CDC42BPA: variants seen among roughly 807,000 people sequenced by gnomAD.
The protein encoded by CDC42BPA is CDC42 binding protein kinase alpha, also known as serine/threonine-protein kinase MRCK alpha.
CDC42BPA carries 80 observed loss-of-function variants against 223.5 expected under a neutral mutation model. The ratio of observed to expected loss-of-function variants is 0.36; its 90% CI spans 0.30 to 0.43. The LOEUF (loss-of-function observed/expected upper bound fraction) is 0.43, where lower values mean the gene tolerates loss of function less well. CDC42BPA is among the 20% of genes least tolerant of loss of function. The pLI, the probability that CDC42BPA is intolerant of heterozygous loss-of-function variation, is 1.00. For missense variants in CDC42BPA, 1,743 were observed against 2,099.9 expected, an observed-to-expected ratio of 0.83 and a Z score of 3.32; for synonymous variants, 694 against 718.6, an observed-to-expected ratio of 0.97 and a Z score of 0.55.
chr1:227,056,230 C>T (rs1388302400), intron 21 of CDC42BPA, among the ~76,000 whole-genome samples: 2 of 152,080 alleles, frequency 1.3e-5, no homozygotes, highest in Admixed American at 6.6e-5. Context: ...CAAGTAACAA[C>T]CCCTCTCATA....
At chr1:226,999,138 G>A (rs1256176619) in intron 35 of CDC42BPA, among the ~76,000 whole-genome samples, 2 of 150,938 alleles carry the variant, frequency 1.3e-5, no homozygotes, top group Admixed American at 6.6e-5. Flanking sequence ...AAAAAATCAG[G>A]AAACAACAGA....
intron 2 of CDC42BPA, among the ~76,000 whole-genome samples, chr1:227,222,606 G>C (rs989790688): frequency 1.3e-5 from 2 of 152,230 alleles, no homozygotes; most frequent in African/African-American, 2.4e-5. Context: ...TGGAAGGAAG[G>C]AATGCTGCAC....
intron 11 of CDC42BPA, among the ~76,000 whole-genome samples, chr1:227,120,801 T>C (rs1258568379): frequency 4.6e-5 from 7 of 152,222 alleles, no homozygotes; most frequent in African/African-American, 1.7e-4. Flanking sequence ...ATTATTACTC[T>C]AAGTCAGCAA....
At position 227,112,823 on chromosome 1, in the gene CDC42BPA, T is replaced by A; in HGVS notation, c.1738A>T (p.Met580Leu). 1 of 1,614,138 alleles carries A rather than the reference T, an allele frequency of 6.2e-7. No homozygotes were observed. Among genetic ancestry groups the A allele is most frequent in the Non-Finnish European group, 8.5e-7 (1 of 1,179,994 alleles). Residue 580 changes from methionine (M) to leucine (L), a missense_variant, in exon 13 of 37, where the codon ATG (methionine) becomes TTG (leucine). By Grantham distance (15) the Met-to-Leu change is conservative. Coordinates refer to ENST00000366766, the MANE Select transcript of CDC42BPA (RefSeq NM_001394014.1). ...TCTGTTAGCCGCTCATTGATCTCCATGAATTCCTGCATGGCCAGTTTCCTC... is the reference window on the plus strand; with the variant it reads ...TCTGTTAGCCGCTCATTGATCTCCAAGAATTCCTGCATGGCCAGTTTCCTC... The part of the protein sequence containing the change: ...CQRKLAMQEF[M>L]EINERLTELH...
chr1:227,233,122 C>T (rs542767075), intron 2 of CDC42BPA, among the ~76,000 whole-genome samples: 2 of 152,354 alleles, frequency 1.3e-5, no homozygotes, highest in Admixed American at 6.5e-5. Flanking sequence ...AATCACCTGT[C>T]TTCTGCGTCA....
At chr1:227,220,013 T>G (rs983900820) in intron 2 of CDC42BPA, among the ~76,000 whole-genome samples, 4 of 152,014 alleles carry the variant, frequency 2.6e-5, no homozygotes, top group African/African-American at 9.7e-5. Flanking sequence ...TCAAATATTA[T>G]CAGTCATGCG....
At chr1:227,174,960 C>T (rs1666708793) in intron 5 of CDC42BPA, among the ~76,000 whole-genome samples, 1 of 152,094 alleles carries the variant, frequency 6.6e-6, no homozygotes, top group Non-Finnish European at 1.5e-5. Flanking sequence ...ATTATTTCTC[C>T]TTGGTTTGGG....
intron 5 of CDC42BPA, among the ~76,000 whole-genome samples, chr1:227,188,852 G>A (rs1669256375): frequency 6.6e-6 from 1 of 152,104 alleles, no homozygotes; most frequent in Admixed American, 6.6e-5. Context: ...TGTAAACTAT[G>A]GACTTAGGTG....
chr1:227,091,183 C>T (rs534679568), intron 16 of CDC42BPA, among the ~76,000 whole-genome samples: 19 of 151,830 alleles, frequency 1.3e-4, no homozygotes, highest in African/African-American at 3.9e-4. Context: ...ATTAGCCATC[C>T]GTGACGGGGT....
chr1:227,101,758 T>C (rs1685092091), intron 14 of CDC42BPA, among the ~76,000 whole-genome samples: 1 of 151,742 alleles, frequency 6.6e-6, no homozygotes, highest in African/African-American at 2.4e-5. Context: ...TAAACTAACA[T>C]CTCCTTCATA....
chr1:227,241,663 T>C (rs992443117), intron 2 of CDC42BPA, among the ~76,000 whole-genome samples: 2 of 152,148 alleles, frequency 1.3e-5, no homozygotes, highest in East Asian at 3.9e-4. Flanking sequence ...GGTTGCCATT[T>C]GATGGAAGCT....
chr1:227,204,615 AG>A (rs1240342861), intron 3 of CDC42BPA, among the ~76,000 whole-genome samples: 6 of 152,316 alleles, frequency 3.9e-5, no homozygotes, highest in African/African-American at 1.4e-4. Context: ...CACAAGCTGA[AG>A]TGCCTCAGGG....
chr1:227,039,277 T>C (rs1032591998), intron 24 of CDC42BPA, among the ~76,000 whole-genome samples: 1 of 152,212 alleles, frequency 6.6e-6, no homozygotes. Flanking sequence ...ATGGGTGGTA[T>C]AATTGCTTAC....
At chr1:227,059,537 T>C (rs944605904) in intron 21 of CDC42BPA, 10 of 818,734 alleles carry the variant, frequency 1.2e-5, no homozygotes, top group African/African-American at 5.2e-5. Flanking sequence ...TTTGGATAGG[T>C]TGAATGTACA....
intron 23 of CDC42BPA, among the ~76,000 whole-genome samples, chr1:227,044,711 C>T (rs966486030): frequency 7.9e-5 from 12 of 152,060 alleles, no homozygotes; most frequent in African/African-American, 2.9e-4. Flanking sequence ...TATCTACTCC[C>T]TTTTTTCATT....
intron 11 of CDC42BPA, among the ~76,000 whole-genome samples, chr1:227,126,193 C>T (rs79463640): frequency 0.091 from 13,866 of 152,218 alleles, 854 homozygotes; most frequent in Middle Eastern, 0.16. Flanking sequence ...CTCTCCTGCT[C>T]AAAGTTCTCT....
chr1:227,145,943 A>G (rs186778348), intron 7 of CDC42BPA, among the ~76,000 whole-genome samples: 49 of 152,274 alleles, frequency 3.2e-4, no homozygotes, highest in Admixed American at 1.9e-3. Flanking sequence ...ATATGACTCA[A>G]TCATGCATGC....
chr1:227,204,116 T>C (rs1246552316), intron 3 of CDC42BPA, among the ~76,000 whole-genome samples: 1 of 152,236 alleles, frequency 6.6e-6, no homozygotes, highest in South Asian at 2.1e-4. Context: ...TGAATCTTTC[T>C]CTAATATTTG....
At chr1:227,258,619 G>A (rs1194648082) in intron 1 of CDC42BPA, among the ~76,000 whole-genome samples, 1 of 150,838 alleles carries the variant, frequency 6.6e-6, no homozygotes, top group Non-Finnish European at 1.5e-5. Context: ...AGTTATAGCT[G>A]AGAGTTCAGA....
Sources: gnomAD v4.1 joint callset for allele counts (sites outside exome capture counted in the v4.1 genomes callset) on GRCh38, gnomAD v4.1.1 for gene constraint, MANE v1.5 for transcripts, NCBI Gene and HGNC (gene_info 2026-07-23, HGNC 2026-07-21) for gene names.